The following SORL1 variants were observed in gnomAD, a reference collection of about 807,000 sequenced individuals.
SORL1 encodes sortilin related receptor 1.
SORL1 carries 127 observed loss-of-function variants against 273.7 expected under a neutral mutation model. The observed-to-expected ratio is 0.46, with a 90% CI of 0.40 to 0.54. The LOEUF (loss-of-function observed/expected upper bound fraction) is 0.54. Ranked by LOEUF, SORL1 falls within the 20% of genes least tolerant of loss-of-function variation. SORL1 has a pLI of 0.00. For missense variants in SORL1, 2,494 were observed against 2,846.1 expected (o/e 0.88, Z 2.81); for synonymous variants, 1,031 against 1,067.4 (o/e 0.97, Z 0.66).
In SORL1 at chr11:121,586,253, C is replaced by T. The variant is rs1699102; in HGVS notation, c.3738C>T (p.Asn1246=). The T allele has an allele frequency of 0.61, 989,566 of 1,611,814 alleles. 316,661 individuals are homozygous for T. The highest frequency in any genetic ancestry group is 0.67 in the Non-Finnish European group (786,164 of 1,178,074). The change falls in exon 27 of 48, where the codon AAC becomes AAT. Residue 1246 remains asparagine (N), a synonymous_variant. Transcript: ENST00000260197. ...AGTGCAATGGATTCCGCTGCCCAAA[C>T]GGCACTTGCATCCCATCCAGCAAAC... ...EKKCNGFRCP[N]GTCIPSSKHC...
chr11:121,532,631 C>A, intron 12 of SORL1, 79 bp downstream of exon 12: 1 of 1,190,916 alleles, frequency 8.4e-7, no homozygotes, highest in Non-Finnish European at 1.2e-6. Context: ...TGGATTATCT[C>A]TCTATAGCAC....
intron 2 of SORL1, among the ~76,000 whole-genome samples, chr11:121,472,800 A>C (rs1350750991): frequency 1.3e-5 from 2 of 152,128 alleles, no homozygotes; most frequent in Admixed American, 1.3e-4. Flanking sequence ...ATTTGTACTA[A>C]AAATGCAAAA....
chr11:121,545,283 A>G lies in SORL1; in HGVS notation c.1905A>G (p.Pro635=), dbSNP rs573690225. 8 of 1,614,114 alleles carry G rather than the reference A, an allele frequency of 5.0e-6. No individual in the cohort carries two copies. The South Asian group carries it at 5.5e-5, about 11-fold the overall frequency. ...AGAATGACTACAAGCTGTGGTCACC[A>G]TCTGATGAGCGGGGGAATGAGTGTT... is the stretch of plus-strand genomic sequence containing the variant. The part of the protein sequence containing the change: ...CTENDYKLWS[P]SDERGNECLL... Residue 635 remains proline (P), a synonymous_variant, in exon 14 of 48, where the codon CCA becomes CCG. Transcript: ENST00000260197.
At chr11:121,603,810 A>G (rs1241599745) in intron 32 of SORL1, among the ~76,000 whole-genome samples, 2 of 152,254 alleles carry the variant, frequency 1.3e-5, no homozygotes, top group African/African-American at 4.8e-5. Flanking sequence ...GATGCCGGCC[A>G]GGAGCCAGGC....
At chr11:121,465,736 C>T (rs1373969519) in intron 1 of SORL1, among the ~76,000 whole-genome samples, 1 of 152,166 alleles carries the variant, frequency 6.6e-6, no homozygotes, top group African/African-American at 2.4e-5. Flanking sequence ...ACTGTGTTAG[C>T]CAGGTTGGTC....
chr11:121,593,351 A>G lies in SORL1; in HGVS notation c.4369+2195A>G, dbSNP rs142102191. On this transcript the variant is annotated intron_variant, in intron 31 of 47. Transcript: ENST00000260197. ...CATTTGTTTGCTTAGGTTGTTTTGT[A>G]CCATTTGCCAATGCTTTCTGCCTTT... 1.4e-4 allele frequency among the ~76,000 whole-genome samples: 21 copies of G among 152,334 alleles called. No individual in the cohort carries two copies. In the East Asian group the frequency reaches 3.9e-3, roughly 28 times the overall value.
chr11:121,556,337 A>G (rs1369583170), intron 18 of SORL1, among the ~76,000 whole-genome samples: 1 of 152,140 alleles, frequency 6.6e-6, no homozygotes, highest in Non-Finnish European at 1.5e-5. Flanking sequence ...GCTTTTGGAG[A>G]GTGGGGCAAC....
chr11:121,575,135 A>G (rs2134934289), intron 24 of SORL1, among the ~76,000 whole-genome samples: 1 of 152,324 alleles, frequency 6.6e-6, no homozygotes, highest in South Asian at 2.1e-4. Context: ...TACTTTCTAA[A>G]GTGACTGAGG....
At chr11:121,577,804 C>T (rs1321455992) in intron 25 of SORL1, among the ~76,000 whole-genome samples, 1 of 152,122 alleles carries the variant, frequency 6.6e-6, no homozygotes, top group Non-Finnish European at 1.5e-5. Flanking sequence ...TGTGTTTGTA[C>T]CCGTTTTGGG....
intron 21 of SORL1, among the ~76,000 whole-genome samples, chr11:121,564,347 C>T (rs578139416): frequency 6.6e-6 from 1 of 152,210 alleles, no homozygotes; most frequent in Non-Finnish European, 1.5e-5. Flanking sequence ...GCTTGTTTTG[C>T]AGTTTGCCCC....
intron 21 of SORL1, among the ~76,000 whole-genome samples, chr11:121,565,747 A>G (rs1177755684): frequency 6.6e-6 from 1 of 152,204 alleles, no homozygotes; most frequent in Non-Finnish European, 1.5e-5. Flanking sequence ...TGGTTTATGC[A>G]TCTTCTTACC....
intron 24 of SORL1, among the ~76,000 whole-genome samples, chr11:121,576,063 G>A (rs1009041778): frequency 6.6e-5 from 10 of 152,332 alleles, no homozygotes; most frequent in African/African-American, 1.9e-4. Context: ...TGACTGAGAC[G>A]GCTGCCTTGG....
intron 23 of SORL1, 101 bp from the exon 24 acceptor site, chr11:121,574,140 C>T: frequency 8.6e-7 from 1 of 1,167,984 alleles, no homozygotes; most frequent in Non-Finnish European, 1.3e-6. Context: ...CAATTAATAC[C>T]TGCTTTCTTC....
chr11:121,477,739 G>T (rs939662956), intron 2 of SORL1, among the ~76,000 whole-genome samples: 5 of 152,156 alleles, frequency 3.3e-5, no homozygotes, highest in Admixed American at 6.5e-5. Flanking sequence ...GTTTGAAAGA[G>T]ATCTTTCTGC....
intron 45 of SORL1, among the ~76,000 whole-genome samples, 173 bp downstream of exon 45, chr11:121,622,441 T>C (rs1378673233): frequency 6.6e-6 from 1 of 152,234 alleles, no homozygotes; most frequent in East Asian, 1.9e-4. Context: ...GGATTGCTAA[T>C]TAGCGAAATG....
intron 39 of SORL1, chr11:121,612,512 A>G: frequency 2.7e-6 from 1 of 364,930 alleles, no homozygotes; most frequent in Non-Finnish European, 5.0e-6. Flanking sequence ...TATAAATTAA[A>G]TATGGTCTCG....
chr11:121,589,044 A>G (rs944682195), intron 28 of SORL1, among the ~76,000 whole-genome samples: 3 of 152,238 alleles, frequency 2.0e-5, no homozygotes, highest in Non-Finnish European at 2.9e-5. Context: ...AACTCAGCTC[A>G]TAACACGACT....
chr11:121,583,189 C>T (rs11218352), intron 25 of SORL1, among the ~76,000 whole-genome samples: 4 of 152,216 alleles, frequency 2.6e-5, no homozygotes, highest in East Asian at 1.9e-4. Context: ...TGTAGGTTGT[C>T]GTGAAGAGCA....
Position 121,570,233 on chromosome 11 carries a change from C to T in SORL1, c.3300C>T (p.Asp1100=). The T allele has an allele frequency of 6.2e-7, 1 of 1,613,946 alleles. No individual in the cohort carries two copies. Among genetic ancestry groups the T allele is most frequent in the South Asian group, 1.1e-5 (1 of 91,072 alleles). ...ACAGCATTTGGTGGTGTGACTTTGACAACGACTGTGGAGACATGAGCGATG... is the reference window on the plus strand; with the variant it reads ...ACAGCATTTGGTGGTGTGACTTTGATAACGACTGTGGAGACATGAGCGATG... ...CINSIWWCDF[D]NDCGDMSDER... Residue 1100 remains aspartate (D), a synonymous_variant, in exon 23 of 48, where the codon GAC becomes GAT. Transcript: ENST00000260197.
Sources: allele counts gnomAD v4.1 joint callset (sites outside exome capture counted in the v4.1 genomes callset), GRCh38; gene constraint gnomAD v4.1.1; transcripts MANE v1.5; gene names NCBI Gene and HGNC (gene_info 2026-07-23, HGNC 2026-07-21).